UBTD2: variants seen among roughly 807,000 people sequenced by gnomAD.
UBTD2 encodes the protein ubiquitin domain-containing protein 2.
Under a neutral mutation model 19.8 loss-of-function variants are expected in UBTD2, and 9 were observed. That is an observed-to-expected ratio of 0.46 (90% CI 0.27 to 0.79). UBTD2 has a LOEUF of 0.79. UBTD2 is among the 30% of genes least tolerant of loss of function. The pLI, the probability that UBTD2 is intolerant of heterozygous loss-of-function variation, is 0.14. For missense variants in UBTD2, 250 were observed against 300.4 expected (o/e 0.83, Z 1.24); for synonymous variants, 98 against 103.9 (o/e 0.94, Z 0.35).
chr5:172,254,731 T>TG (rs1257172575), intron 1 of UBTD2: 10 of 298,286 alleles, frequency 3.4e-5, no homozygotes, highest in South Asian at 7.8e-5. Flanking sequence ...ACAATGCTTG[T>TG]GGGGGGGAAC....
At chr5:172,239,880 G>C (rs1334853637) in intron 1 of UBTD2, among the ~76,000 whole-genome samples, 1 of 152,076 alleles carries the variant, frequency 6.6e-6, no homozygotes, top group East Asian at 1.9e-4. Flanking sequence ...CTCCAGCCTG[G>C]GCAACAGAGC....
chr5:172,227,695 CTTTTTTTTTTTTT>C (rs1164255222), intron 2 of UBTD2, among the ~76,000 whole-genome samples: 11 of 72,162 alleles, frequency 1.5e-4, no homozygotes, highest in African/African-American at 2.0e-4. Context: ...ATGAAAAATT[CTTTTTTTTTTTTT>C]TTTTTTTTTT....
chr5:172,267,216 C>T (rs910154547), intron 1 of UBTD2, among the ~76,000 whole-genome samples: 10 of 152,024 alleles, frequency 6.6e-5, no homozygotes, highest in African/African-American at 2.2e-4. Context: ...TAAAAAGTTC[C>T]ACAAATGTTA....
chr5:172,211,939 C>G lies in UBTD2; in HGVS notation c.596G>C (p.Arg199Thr). 6.2e-7 allele frequency: 1 copy of G among 1,614,176 alleles called. No individual in the cohort carries two copies. Among genetic ancestry groups the G allele is most frequent in the South Asian group, 1.1e-5 (1 of 91,084 alleles). The change falls in exon 3 of 3, where the codon AGA (arginine) becomes ACA (threonine). Residue 199 changes from arginine (R) to threonine (T), a missense_variant. Physicochemically the swap from Arg to Thr is moderately conservative, Grantham distance 71. Coordinates refer to ENST00000393792, the MANE Select transcript of UBTD2 (RefSeq NM_152277.3). ...GAACTTCATTTTGTCAGTGAGAGGT[C>G]TGCCAGAAAAAAACCACCGCTGACT... Reference protein sequence around the residue: ...PGSQRWFFSGRPLTDKMKFEE... With the variant: ...PGSQRWFFSGTPLTDKMKFEE...
intron 2 of UBTD2, among the ~76,000 whole-genome samples, chr5:172,226,502 A>C (rs566012941): frequency 1.3e-5 from 2 of 152,210 alleles, no homozygotes; most frequent in East Asian, 3.8e-4. Flanking sequence ...AACACACAAT[A>C]ATGTTGGCTG....
intron 1 of UBTD2, among the ~76,000 whole-genome samples, chr5:172,263,667 G>A (rs1476549543): frequency 1.3e-5 from 2 of 152,028 alleles, no homozygotes; most frequent in African/African-American, 4.8e-5. Flanking sequence ...GGTGGCGGGC[G>A]CCTGTGGTCC....
intron 2 of UBTD2, among the ~76,000 whole-genome samples, chr5:172,230,810 G>A (rs753734059): frequency 3.4e-5 from 5 of 148,220 alleles, no homozygotes; most frequent in Admixed American, 2.0e-4. Flanking sequence ...TTGAGACGGA[G>A]TCTTGCTCTG....
chr5:172,226,724 T>C (rs924058730), intron 2 of UBTD2, among the ~76,000 whole-genome samples: 5 of 152,198 alleles, frequency 3.3e-5, no homozygotes, highest in African/African-American at 4.8e-5. Flanking sequence ...ATTGTAGAGA[T>C]GCTAACAAAT....
chr5:172,223,037 G>C (rs10059161), intron 2 of UBTD2, among the ~76,000 whole-genome samples: 14,408 of 152,136 alleles, frequency 0.095, 765 homozygotes, highest in South Asian at 0.16. Context: ...GAAAAAAATC[G>C]AACTGAGAAA....
chr5:172,230,403 C>T (rs1771865705), intron 2 of UBTD2, among the ~76,000 whole-genome samples: 1 of 152,156 alleles, frequency 6.6e-6, no homozygotes, highest in African/African-American at 2.4e-5. Flanking sequence ...AGGGAATTTA[C>T]TTGTTAATTT....
At chr5:172,268,083 A>G (rs1755410990) in intron 1 of UBTD2, among the ~76,000 whole-genome samples, 1 of 152,264 alleles carries the variant, frequency 6.6e-6, no homozygotes, top group South Asian at 2.1e-4. Flanking sequence ...ATCCTAAAGC[A>G]TTATGAGAGA....
At chr5:172,223,426 C>T (rs1232209416) in intron 2 of UBTD2, among the ~76,000 whole-genome samples, 1 of 151,588 alleles carries the variant, frequency 6.6e-6, no homozygotes, top group Non-Finnish European at 1.5e-5. Flanking sequence ...TGGTGAAATC[C>T]TGTCTCTACT....
chr5:172,231,270 T>C (rs915902627), intron 2 of UBTD2, among the ~76,000 whole-genome samples: 3 of 151,996 alleles, frequency 2.0e-5, no homozygotes, highest in African/African-American at 7.3e-5. Flanking sequence ...ACAAAAGAAG[T>C]CAATCAAGGG....
At chr5:172,247,847 G>GAAC (rs1270261845) in intron 1 of UBTD2, among the ~76,000 whole-genome samples, 1 of 152,050 alleles carries the variant, frequency 6.6e-6, no homozygotes, top group Non-Finnish European at 1.5e-5. Flanking sequence ...CTGACATAAA[G>GAAC]AACATTCTAC....
At chr5:172,240,954 G>A (rs552148728) in intron 1 of UBTD2, among the ~76,000 whole-genome samples, 3 of 151,772 alleles carry the variant, frequency 2.0e-5, no homozygotes, top group South Asian at 4.2e-4. Flanking sequence ...AAAAGAATAT[G>A]ATCACCTAAC....
At position 172,238,702 on chromosome 5, in the gene UBTD2, T is replaced by C. The variant is rs1254153109; in HGVS notation, c.71-4344A>G. ...TTTAAAGCATTCTACCAAAAACTCA[T>C]TTTGACATTGGTAAAAAACAATCAA... On this transcript the variant is annotated intron_variant, in intron 1 of 2. Transcript: ENST00000393792. Among the ~76,000 whole-genome samples, 6 of 152,338 alleles carry C rather than the reference T, an allele frequency of 3.9e-5. No homozygotes were observed. In the East Asian group the frequency reaches 7.7e-4, roughly 20 times the overall value.
At chr5:172,257,325 T>C (rs542544021) in intron 1 of UBTD2, among the ~76,000 whole-genome samples, 28 of 152,382 alleles carry the variant, frequency 1.8e-4, no homozygotes, top group African/African-American at 6.5e-4. Flanking sequence ...CTCCTTCTTT[T>C]TATAGCTGTG....
intron 1 of UBTD2, among the ~76,000 whole-genome samples, chr5:172,250,084 G>A (rs561750293): frequency 1.6e-4 from 24 of 152,102 alleles, no homozygotes; most frequent in Non-Finnish European, 2.9e-4. Flanking sequence ...TTAGCTGGGC[G>A]TGGTGGTGGG....
In UBTD2 at chr5:172,210,730, T is replaced by C. The variant is rs537767; in HGVS notation, c.*1100A>G. 148,770 of 152,276 alleles carry C rather than the reference T, an allele frequency of 0.98. 72,686 individuals are homozygous for C. The highest frequency in any genetic ancestry group is 1 in the Middle Eastern group (294 of 294). The allele number at this position is 152,276 out of a possible 1,614,324, so 9.4% of individuals were successfully genotyped here. ...CTAATGTTTATGTGACACCAGTAAA[T>C]CTTTCACACTTAAAAATTTTGAGTT... On this transcript the variant is annotated 3_prime_UTR_variant, in exon 3 of 3. Coordinates refer to ENST00000393792, the MANE Select transcript of UBTD2 (RefSeq NM_152277.3).
Sources: gnomAD v4.1 joint callset for allele counts (sites outside exome capture counted in the v4.1 genomes callset) on GRCh38, gnomAD v4.1.1 for gene constraint, MANE v1.5 for transcripts, NCBI Gene and HGNC (gene_info 2026-07-23, HGNC 2026-07-21) for gene names.